The following NAALADL2 variants were observed in gnomAD, a reference collection of about 807,000 sequenced individuals.
NAALADL2 encodes the protein inactive N-acetylated-alpha-linked acidic dipeptidase-like protein 2.
NAALADL2 carries 76 observed loss-of-function variants against 87.2 expected under a neutral mutation model. That is an observed-to-expected ratio of 0.87 (90% CI 0.72 to 1.05). NAALADL2 has a LOEUF of 1.05. Ranked by LOEUF, NAALADL2 falls within the 50% of genes least tolerant of loss-of-function variation. The pLI is 0.00. For missense variants in NAALADL2, 1,089 were observed against 945.8 expected (o/e 1.15, Z -1.99); for synonymous variants, 354 against 331.0 (o/e 1.07, Z -0.75).
At chr3:175,112,180 C>T (rs1724299735) in intron 2 of NAALADL2, among the ~76,000 whole-genome samples, 1 of 151,474 alleles carries the variant, frequency 6.6e-6, no homozygotes, top group Non-Finnish European at 1.5e-5. Flanking sequence ...TCCTCATTGA[C>T]CACCATCCTT....
In NAALADL2 at chr3:174,687,395, A is replaced by G. The variant is rs536689369; in HGVS notation, c.-114-50246A>G. 2.3e-3 allele frequency among the ~76,000 whole-genome samples: 351 copies of G among 152,206 alleles called. 2 individuals carry two copies. The highest frequency in any genetic ancestry group is 8.1e-3 in the African/African-American group (336 of 41,534). On this transcript the variant is annotated intron_variant, in intron 2 of 3. Coordinates refer to the NAALADL2 transcript ENST00000434257. ...TGTTTTTATCTTTTGCACTCAACAC[A>G]TTAGTATATCAAATGTTTACTTGTT...
At chr3:175,327,059 T>C (rs1277341431) in intron 5 of NAALADL2, among the ~76,000 whole-genome samples, 3 of 152,184 alleles carry the variant, frequency 2.0e-5, no homozygotes, top group Non-Finnish European at 4.4e-5. Context: ...GAGGTAGTTT[T>C]TGTTTGGTTT....
At chr3:175,327,087 AAC>A (rs1378228954) in intron 5 of NAALADL2, among the ~76,000 whole-genome samples, 3 of 152,014 alleles carry the variant, frequency 2.0e-5, no homozygotes, top group Non-Finnish European at 4.4e-5. Flanking sequence ...AAACAAAGTA[AAC>A]ACAGTCAAAT....
At chr3:175,725,092 C>A (rs1047388582) in intron 11 of NAALADL2, among the ~76,000 whole-genome samples, 1 of 151,968 alleles carries the variant, frequency 6.6e-6, no homozygotes, top group Non-Finnish European at 1.5e-5. Context: ...TTCACATGTA[C>A]AGATACTCAG....
intron 4 of NAALADL2, among the ~76,000 whole-genome samples, chr3:175,287,236 TG>T (rs1382531627): frequency 3.9e-5 from 6 of 152,342 alleles, no homozygotes; most frequent in East Asian, 3.9e-4. Context: ...AGAAGCTTAA[TG>T]GTTTGTTATA....
chr3:174,756,953 A>AAAAC (rs1560199283), intron 3 of NAALADL2, among the ~76,000 whole-genome samples: 5,348 of 149,882 alleles, frequency 0.036, 134 homozygotes, highest in South Asian at 0.055. Context: ...TATAGACAAA[A>AAAAC]AAAACAAAAC....
intron 6 of NAALADL2, among the ~76,000 whole-genome samples, chr3:175,453,736 C>T (rs186665897): frequency 2.1e-3 from 312 of 152,148 alleles, no homozygotes; most frequent in Middle Eastern, 6.8e-3. Flanking sequence ...AATGAATGTA[C>T]GCTGTGTAAT....
intron 9 of NAALADL2, among the ~76,000 whole-genome samples, chr3:175,562,270 T>A (rs1449472719): frequency 6.6e-6 from 1 of 152,174 alleles, no homozygotes; most frequent in Non-Finnish European, 1.5e-5. Flanking sequence ...CTCTTAGCAA[T>A]GATAGCTTTA....
At chr3:175,186,611 A>G (rs879520831) in intron 2 of NAALADL2, among the ~76,000 whole-genome samples, 1 of 152,150 alleles carries the variant, frequency 6.6e-6, no homozygotes, top group African/African-American at 2.4e-5. Context: ...TGTTAAATAT[A>G]GCTTGCTTTT....
intron 5 of NAALADL2, among the ~76,000 whole-genome samples, chr3:175,401,226 G>A (rs1770521337): frequency 6.6e-6 from 1 of 152,068 alleles, no homozygotes; most frequent in South Asian, 2.1e-4. Context: ...GTACTCCAGT[G>A]TGCAGATATT....
At chr3:174,847,862 C>T (rs568225504) in intron 3 of NAALADL2, among the ~76,000 whole-genome samples, 1 of 151,686 alleles carries the variant, frequency 6.6e-6, no homozygotes. Flanking sequence ...AAGATCCACC[C>T]AGGTAGCTGA....
intron 1 of NAALADL2, among the ~76,000 whole-genome samples, chr3:175,022,363 G>T (rs1481069992): frequency 9.9e-5 from 15 of 151,896 alleles, no homozygotes. Context: ...AAATTTCAAG[G>T]ACTCTAATTG....
intron 12 of NAALADL2, among the ~76,000 whole-genome samples, chr3:175,737,644 G>C (rs1028764230): frequency 2.8e-5 from 4 of 145,376 alleles, no homozygotes; most frequent in Non-Finnish European, 6.0e-5. Context: ...TTTTATCAAA[G>C]AGATTTATAA....
intron 5 of NAALADL2, among the ~76,000 whole-genome samples, chr3:175,437,362 A>G (rs1396687910): frequency 2.0e-5 from 3 of 146,404 alleles, no homozygotes; most frequent in Admixed American, 7.0e-5. Context: ...TGCTTCCAAG[A>G]GAATAAAATA....
intron 2 of NAALADL2, among the ~76,000 whole-genome samples, chr3:174,708,248 T>C (rs1730286763): frequency 6.6e-6 from 1 of 152,278 alleles, no homozygotes; most frequent in South Asian, 2.1e-4. Flanking sequence ...AGAGACAAAA[T>C]GGGCATTTAG....
intron 3 of NAALADL2, among the ~76,000 whole-genome samples, chr3:174,820,106 T>C (rs1199548619): frequency 1.3e-5 from 2 of 152,168 alleles, no homozygotes; most frequent in African/African-American, 4.8e-5. Context: ...TTGTTTTTAC[T>C]CAGTTTGATA....
chr3:174,536,290 C>T (rs553086621), intron 1 of NAALADL2, among the ~76,000 whole-genome samples: 20 of 152,150 alleles, frequency 1.3e-4, no homozygotes, highest in Non-Finnish European at 2.6e-4. Flanking sequence ...ATAAACTGGG[C>T]CATGGCTATT....
chr3:175,075,918 A>G (rs1716504548), intron 1 of NAALADL2, among the ~76,000 whole-genome samples: 1 of 152,164 alleles, frequency 6.6e-6, no homozygotes, highest in African/African-American at 2.4e-5. Flanking sequence ...GGTGCTCACT[A>G]CTGTGTATAA....
At chr3:174,822,145 TTC>T (rs1205265244) in intron 3 of NAALADL2, among the ~76,000 whole-genome samples, 2 of 137,886 alleles carry the variant, frequency 1.5e-5, no homozygotes, top group African/African-American at 5.9e-5. Flanking sequence ...ACAGAAATAG[TTC>T]TCAGTGACAC....
Sources: gnomAD v4.1 joint callset for allele counts (sites outside exome capture counted in the v4.1 genomes callset) on GRCh38, gnomAD v4.1.1 for gene constraint, MANE v1.5 for transcripts, NCBI Gene and HGNC (gene_info 2026-07-23, HGNC 2026-07-21) for gene names.